BARD1: variants seen among roughly 807,000 people sequenced by gnomAD.
The protein encoded by BARD1 is BRCA1-associated RING domain protein 1.
A neutral mutation model predicts 77.0 loss-of-function variants in BARD1; 73 were observed. The observed-to-expected ratio is 0.95, with a 90% CI of 0.79 to 1.15. The LOEUF (loss-of-function observed/expected upper bound fraction) is 1.15, where lower values mean the gene tolerates loss of function less well. BARD1 is among the 50% of genes most tolerant of loss of function. The pLI is 0.00. For missense variants in BARD1, 993 were observed against 938.8 expected (o/e 1.06, Z -0.75); for synonymous variants, 384 against 338.0 (o/e 1.14, Z -1.49).
intron 4 of BARD1, among the ~76,000 whole-genome samples, chr2:214,774,845 G>T (rs1472180917): frequency 6.6e-6 from 1 of 152,202 alleles, no homozygotes; most frequent in Non-Finnish European, 1.5e-5. Context: ...TTCTCCATCA[G>T]CACCTGCTGT....
intron 4 of BARD1, among the ~76,000 whole-genome samples, chr2:214,777,167 T>A (rs1011255017): frequency 6.6e-6 from 1 of 152,134 alleles, no homozygotes; most frequent in African/African-American, 2.4e-5. Flanking sequence ...TTAATTTGCA[T>A]TGCTTTGAAT....
rs916883371 is a variant in BARD1 at position 214,801,854 on chromosome 2, G to T, written c.159-4737C>A. ...GTTGAAAACCAAATATTTGGCGGGG[G>T]GGGGGGTTGTTTTTGTTTTTTTTAA... On this transcript the variant is annotated intron_variant, in intron 1 of 10. Transcript: ENST00000260947. Among the ~76,000 whole-genome samples the T allele has an allele frequency of 4.8e-4, 71 of 149,084 alleles. 2 individuals are homozygous for T. Among genetic ancestry groups the T allele is most frequent in the African/African-American group, 1.7e-3 (68 of 40,784 alleles).
chr2:214,782,660 C>T (rs1695094819), intron 3 of BARD1, among the ~76,000 whole-genome samples: 1 of 152,018 alleles, frequency 6.6e-6, no homozygotes, highest in African/African-American at 2.4e-5. Flanking sequence ...CTCTTCTTTA[C>T]ACTCACCTGC....
intron 6 of BARD1, among the ~76,000 whole-genome samples, chr2:214,753,892 T>C (rs749576862): frequency 6.6e-6 from 1 of 152,166 alleles, no homozygotes; most frequent in East Asian, 1.9e-4. Flanking sequence ...CTGACTCTTC[T>C]TTATGTCCAA....
At position 214,805,969 on chromosome 2, in the gene BARD1, T is replaced by C. The variant is rs148517762; in HGVS notation, c.158+3443A>G. On this transcript the variant is annotated intron_variant, in intron 1 of 10. Coordinates refer to ENST00000260947, the MANE Select transcript of BARD1 (RefSeq NM_000465.4). ...TTCTACACTGCAGCTCCTATTACCA[T>C]TTCCTGCTTCCTTTAGGAACACATT... 3.2e-4 allele frequency among the ~76,000 whole-genome samples: 49 copies of C among 152,314 alleles called. No individual in the cohort carries two copies. The East Asian group carries it at 9.4e-3, about 29-fold the overall frequency.
At chr2:214,790,930 T>C (rs540338294) in intron 3 of BARD1, among the ~76,000 whole-genome samples, 50 of 152,276 alleles carry the variant, frequency 3.3e-4, no homozygotes, top group African/African-American at 1.2e-3. Flanking sequence ...TCGGTATCTA[T>C]GTGGGGAGAG....
At chr2:214,768,582 G>GT (rs5838470) in intron 5 of BARD1, among the ~76,000 whole-genome samples, 152,334 of 152,338 alleles carry the variant, frequency 1, 76,165 homozygotes, top group Middle Eastern at 1. Context: ...TGAATTTCTA[G>GT]TTACAGGATG....
At chr2:214,762,890 C>A (rs149271884) in intron 6 of BARD1, among the ~76,000 whole-genome samples, 2 of 130,630 alleles carry the variant, frequency 1.5e-5, no homozygotes, top group African/African-American at 5.7e-5. Flanking sequence ...CCCCACCCCC[C>A]TCCCACCACT....
chr2:214,775,602 A>G (rs1267394921), intron 4 of BARD1, among the ~76,000 whole-genome samples: 1 of 152,210 alleles, frequency 6.6e-6, no homozygotes, highest in Non-Finnish European at 1.5e-5. Flanking sequence ...GCTGTTGGAA[A>G]AACAGCACTG....
At chr2:214,803,529 T>C (rs1696126623) in intron 1 of BARD1, among the ~76,000 whole-genome samples, 1 of 152,238 alleles carries the variant, frequency 6.6e-6, no homozygotes, top group Non-Finnish European at 1.5e-5. Flanking sequence ...TGTTTCTGTG[T>C]ATGCATATCT....
At chr2:214,768,794 A>G (rs1347026264) in intron 5 of BARD1, among the ~76,000 whole-genome samples, 1 of 152,264 alleles carries the variant, frequency 6.6e-6, no homozygotes, top group African/African-American at 2.4e-5. Flanking sequence ...TGCCTTATAT[A>G]TCTACAATTG....
chr2:214,771,913 C>A (rs1252735646), intron 4 of BARD1, among the ~76,000 whole-genome samples: 1 of 132,256 alleles, frequency 7.6e-6, no homozygotes. Context: ...AATTAATTAC[C>A]CCAGTTTCAG....
intron 1 of BARD1, among the ~76,000 whole-genome samples, chr2:214,798,654 C>A (rs1276784776): frequency 1.3e-5 from 2 of 151,830 alleles, no homozygotes; most frequent in African/African-American, 4.8e-5. Flanking sequence ...ACCTTCACCA[C>A]TACCTAATTG....
chr2:214,750,005 T>A (rs980756013), intron 7 of BARD1, among the ~76,000 whole-genome samples: 3 of 152,148 alleles, frequency 2.0e-5, no homozygotes, highest in African/African-American at 7.2e-5. Flanking sequence ...AAAGCATCTA[T>A]GAGAGTATCA....
chr2:214,740,064 T>C (rs773050278), intron 9 of BARD1, among the ~76,000 whole-genome samples: 2 of 152,014 alleles, frequency 1.3e-5, no homozygotes, highest in Non-Finnish European at 2.9e-5. Context: ...ATTGTCTGTC[T>C]CTATATAGGT....
At chr2:214,736,487 A>T (rs1692570359) in intron 9 of BARD1, among the ~76,000 whole-genome samples, 1 of 152,152 alleles carries the variant, frequency 6.6e-6, no homozygotes, top group Non-Finnish European at 1.5e-5. Flanking sequence ...CCAAGGACTG[A>T]ACATTCTTAT....
At chr2:214,797,495 C>T (rs1338276838) in intron 1 of BARD1, among the ~76,000 whole-genome samples, 1 of 152,074 alleles carries the variant, frequency 6.6e-6, no homozygotes, top group South Asian at 2.1e-4. Flanking sequence ...GACCATATAC[C>T]TCAAAATGTG....
chr2:214,789,612 T>C lies in BARD1; in HGVS notation c.364+2685A>G, dbSNP rs1307762446. On this transcript the variant is annotated intron_variant, in intron 3 of 10. Coordinates refer to ENST00000260947, the MANE Select transcript of BARD1 (RefSeq NM_000465.4). ...CTAGCATATAAATTAGCACTGCCAA[T>C]TTTTATCCAACTCAATTCAACAAAC... Among the ~76,000 whole-genome samples the C allele has an allele frequency of 2.6e-5, 4 of 152,108 alleles. No individual in the cohort carries two copies. In the East Asian group the frequency reaches 7.7e-4, roughly 29 times the overall value.
chr2:214,767,838 A>G (rs967014515), intron 5 of BARD1, among the ~76,000 whole-genome samples, 184 bp from the exon 6 acceptor site: 15 of 152,210 alleles, frequency 9.9e-5, no homozygotes, highest in African/African-American at 3.6e-4. Flanking sequence ...TCTTTCAATC[A>G]AGATCTGTGT....
Sources: gnomAD v4.1 joint callset for allele counts (sites outside exome capture counted in the v4.1 genomes callset) on GRCh38, gnomAD v4.1.1 for gene constraint, MANE v1.5 for transcripts, NCBI Gene and HGNC (gene_info 2026-07-23, HGNC 2026-07-21) for gene names.